RAD51B: variants seen among roughly 807,000 people sequenced by gnomAD.
RAD51B encodes the protein DNA repair protein RAD51 homolog 2.
In RAD51B, 38 loss-of-function variants were observed where a neutral mutation model predicts 42.2. The ratio of observed to expected loss-of-function variants is 0.90; its 90% CI spans 0.70 to 1.18. The LOEUF (loss-of-function observed/expected upper bound fraction) is 1.18. Ranked by LOEUF, RAD51B falls within the 50% of genes most tolerant of loss-of-function variation. The probability of loss-of-function intolerance (pLI) is 0.00; values close to 1 mark genes in which losing one functional copy is unlikely to be tolerated. For missense variants in RAD51B, 373 were observed against 400.7 expected (o/e 0.93, Z 0.59); for synonymous variants, 154 against 145.2 (o/e 1.06, Z -0.43).
At chr14:68,238,581 A>T (rs1487362045) in intron 7 of RAD51B, among the ~76,000 whole-genome samples, 2 of 152,248 alleles carry the variant, frequency 1.3e-5, no homozygotes, top group African/African-American at 4.8e-5. Flanking sequence ...CTAGGATTAC[A>T]GGCATGAGCC....
chr14:67,942,697 C>T (rs1026864337), intron 7 of RAD51B, among the ~76,000 whole-genome samples: 5 of 152,110 alleles, frequency 3.3e-5, no homozygotes, highest in African/African-American at 1.2e-4. Context: ...CCTGCCAAAT[C>T]TTCCAAAAGG....
At position 68,098,540 on chromosome 14, in the gene RAD51B, T is replaced by A. The variant is rs981976529; in HGVS notation, c.757-193344T>A. On this transcript the variant is annotated intron_variant, in intron 7 of 10. Coordinates refer to ENST00000471583, the MANE Select transcript of RAD51B (RefSeq NM_133510.4). ...CATGGTGGGAGATGAAAGGCACTTC[T>A]TACATGGCAGTGGCAAGAGGAAAAA... Among the ~76,000 whole-genome samples, 3 of 152,168 alleles carry A rather than the reference T, an allele frequency of 2.0e-5. No individual in the cohort carries two copies. The East Asian group carries it at 5.8e-4, about 29-fold the overall frequency.
chr14:68,432,224 T>C (rs2085028037), intron 9 of RAD51B, among the ~76,000 whole-genome samples: 1 of 152,222 alleles, frequency 6.6e-6, no homozygotes, highest in South Asian at 2.1e-4. Context: ...GAATGTATAT[T>C]CTGTTGATTT....
chr14:68,186,135 A>C (rs920162648), intron 7 of RAD51B, among the ~76,000 whole-genome samples: 4 of 152,150 alleles, frequency 2.6e-5, no homozygotes, highest in Admixed American at 2.6e-4. Flanking sequence ...GTCAATAAAT[A>C]CTGCTGGGGT....
intron 7 of RAD51B, among the ~76,000 whole-genome samples, chr14:67,959,249 A>T (rs1042816921): frequency 6.6e-6 from 1 of 151,580 alleles, no homozygotes; most frequent in African/African-American, 2.4e-5. Flanking sequence ...CCTTTGGTCA[A>T]TATTTTTTTT....
At chr14:68,310,457 A>G (rs1451380625) in intron 8 of RAD51B, among the ~76,000 whole-genome samples, 4 of 152,180 alleles carry the variant, frequency 2.6e-5, no homozygotes, top group Non-Finnish European at 4.4e-5. Flanking sequence ...GATCACAACA[A>G]TATTAGTGGA....
intron 10 of RAD51B, among the ~76,000 whole-genome samples, chr14:68,520,657 A>G (rs1255464167): frequency 6.6e-6 from 1 of 152,056 alleles, no homozygotes; most frequent in Non-Finnish European, 1.5e-5. Context: ...ACTCTTCCTC[A>G]CCCTAGGACC....
chr14:68,019,668 A>T (rs2075832321), intron 7 of RAD51B, among the ~76,000 whole-genome samples: 1 of 152,196 alleles, frequency 6.6e-6, no homozygotes, highest in Non-Finnish European at 1.5e-5. Context: ...TATGTGGTGC[A>T]GGAGTGGCCC....
intron 10 of RAD51B, among the ~76,000 whole-genome samples, chr14:68,623,187 G>A (rs975536611): frequency 6.6e-6 from 1 of 152,168 alleles, no homozygotes; most frequent in African/African-American, 2.4e-5. Context: ...GCAGGATTAT[G>A]GGCAGACTGA....
intron 8 of RAD51B, among the ~76,000 whole-genome samples, chr14:68,303,459 A>T (rs938306100): frequency 1.7e-3 from 7 of 4,028 alleles, no homozygotes; most frequent in African/African-American, 6.9e-3. Context: ...AAGTATAATA[A>T]AAAAAAAAAA....
intron 7 of RAD51B, among the ~76,000 whole-genome samples, chr14:67,914,550 A>G (rs2044089698): frequency 6.6e-6 from 1 of 152,084 alleles, no homozygotes; most frequent in Non-Finnish European, 1.5e-5. Context: ...TGCCATGCAT[A>G]AATTTTTATG....
At chr14:67,898,072 C>A (rs938137894) in intron 7 of RAD51B, among the ~76,000 whole-genome samples, 1 of 152,076 alleles carries the variant, frequency 6.6e-6, no homozygotes, top group Non-Finnish European at 1.5e-5. Flanking sequence ...TTATTTCTGG[C>A]CATATATCCA....
intron 7 of RAD51B, among the ~76,000 whole-genome samples, chr14:68,212,454 T>A (rs1406152803): frequency 6.6e-6 from 1 of 152,218 alleles, no homozygotes; most frequent in Non-Finnish European, 1.5e-5. Flanking sequence ...AGCAGCAAGG[T>A]AAATACCACC....
At chr14:68,571,850 C>A (rs1042629439) in intron 10 of RAD51B, among the ~76,000 whole-genome samples, 1 of 152,028 alleles carries the variant, frequency 6.6e-6, no homozygotes, top group African/African-American at 2.4e-5. Context: ...GGCTCAGGTC[C>A]TCACCTGAGA....
At chr14:68,540,784 A>G in intron 10 of RAD51B, 1 of 985,426 alleles carries the variant, frequency 1.0e-6, no homozygotes, top group Non-Finnish European at 1.2e-6. Flanking sequence ...TCCAAGGTTG[A>G]GTAGAATTTC....
chr14:68,422,783 C>T (rs2140111684), intron 9 of RAD51B, among the ~76,000 whole-genome samples: 1 of 152,190 alleles, frequency 6.6e-6, no homozygotes, highest in African/African-American at 2.4e-5. Context: ...CTGATTTCTG[C>T]CGCTGTAAAT....
At chr14:68,121,419 G>T (rs2077649952) in intron 7 of RAD51B, among the ~76,000 whole-genome samples, 1 of 152,162 alleles carries the variant, frequency 6.6e-6, no homozygotes, top group South Asian at 2.1e-4. Context: ...AGGAGTAACA[G>T]CCCTGGTTTG....
At chr14:68,505,739 G>A (rs555789698) in intron 10 of RAD51B, among the ~76,000 whole-genome samples, 48 of 152,080 alleles carry the variant, frequency 3.2e-4, no homozygotes, top group African/African-American at 1.2e-3. Context: ...TTTTAATAGA[G>A]ATGGGGTTTC....
intron 10 of RAD51B, among the ~76,000 whole-genome samples, chr14:68,489,715 G>A (rs763808598): frequency 1.6e-4 from 24 of 152,212 alleles, no homozygotes; most frequent in Non-Finnish European, 3.2e-4. Flanking sequence ...GACTCTGTAG[G>A]AAGAGGAAAA....
Sources: allele counts gnomAD v4.1 joint callset (sites outside exome capture counted in the v4.1 genomes callset), GRCh38; gene constraint gnomAD v4.1.1; transcripts MANE v1.5; gene names NCBI Gene and HGNC (gene_info 2026-07-23, HGNC 2026-07-21).